TNPO1: variants seen among roughly 807,000 people sequenced by gnomAD.
TNPO1 encodes the protein transportin 1, also known as transportin-1.
TNPO1 carries 8 observed loss-of-function variants against 119.5 expected under a neutral mutation model. That is an observed-to-expected ratio of 0.07 (90% CI 0.04 to 0.12). The LOEUF is 0.12. Ranked by LOEUF, TNPO1 falls within the 10% of genes least tolerant of loss-of-function variation. The probability of loss-of-function intolerance (pLI) is 1.00; values close to 1 mark genes in which losing one functional copy is unlikely to be tolerated. For synonymous variants in TNPO1, 362 were observed against 363.0 expected (o/e 1.00, Z 0.03); for missense variants, 576 against 1,089.8 (o/e 0.53, Z 6.64).
chr5:72,824,390 AC>A (rs1196014441), intron 1 of TNPO1, among the ~76,000 whole-genome samples: 1 of 151,820 alleles, frequency 6.6e-6, no homozygotes, highest in East Asian at 1.9e-4. Context: ...CTCCTCTAGT[AC>A]TCTGTTAAAC....
At chr5:72,844,682 TA>T (rs1316472760) in intron 1 of TNPO1, among the ~76,000 whole-genome samples, 1 of 152,224 alleles carries the variant, frequency 6.6e-6, no homozygotes, top group African/African-American at 2.4e-5. Context: ...ATTCCCATTT[TA>T]GGGTTGGGAA....
chr5:72,882,530 A>G lies in TNPO1; in HGVS notation c.981+3A>G. 6.2e-7 allele frequency: 1 copy of G among 1,604,914 alleles called. No homozygotes were observed. The highest frequency in any genetic ancestry group is 8.5e-7 in the Non-Finnish European group (1 of 1,175,428). On this transcript the variant is annotated splice_donor_region_variant and intron_variant, in intron 10 of 24. Transcript: ENST00000337273. ...ACATAGATATTATCCTACTTAAGGT[A>G]AGGAAGCTTTTTTGATGAATAGGGA...
intron 1 of TNPO1, among the ~76,000 whole-genome samples, chr5:72,831,544 CAT>C (rs1331280019): frequency 2.0e-5 from 3 of 151,868 alleles, no homozygotes; most frequent in Non-Finnish European, 2.9e-5. Context: ...ATATTATTAA[CAT>C]ATTAAAAATT....
chr5:72,900,194 G>A (rs1749708366), intron 21 of TNPO1, 113 bp downstream of exon 21: 2 of 896,262 alleles, frequency 2.2e-6, no homozygotes, highest in South Asian at 1.6e-5. Flanking sequence ...CTTTATCATT[G>A]CCAACCATGT....
At chr5:72,823,234 C>G (rs1248186156) in intron 1 of TNPO1, among the ~76,000 whole-genome samples, 1 of 152,014 alleles carries the variant, frequency 6.6e-6, no homozygotes, top group African/African-American at 2.4e-5. Flanking sequence ...TCAGACTATG[C>G]TTCCTCCTTT....
At chr5:72,905,209 T>G in intron 23 of TNPO1, 94 bp from the exon 24 acceptor site, 1 of 938,792 alleles carries the variant, frequency 1.1e-6, no homozygotes, top group Non-Finnish European at 1.6e-6. Context: ...TGGATAAAAT[T>G]TATAAAAAAA....
At chr5:72,899,620 T>C (rs912663716) in intron 20 of TNPO1, among the ~76,000 whole-genome samples, 2 of 152,204 alleles carry the variant, frequency 1.3e-5, no homozygotes, top group African/African-American at 4.8e-5. Flanking sequence ...TATTAAATTC[T>C]GAAATTTTGG....
intron 24 of TNPO1, among the ~76,000 whole-genome samples, chr5:72,906,290 T>C (rs1410497391): frequency 2.7e-4 from 31 of 114,872 alleles, no homozygotes; most frequent in African/African-American, 6.9e-4. Flanking sequence ...TTTTTTTTTT[T>C]TTTTTTTTTT....
At chr5:72,822,893 TG>T (rs1744032518) in intron 1 of TNPO1, among the ~76,000 whole-genome samples, 1 of 144,046 alleles carries the variant, frequency 6.9e-6, no homozygotes, top group Admixed American at 7.1e-5. Context: ...GCGCCCGGCC[TG>T]GCCTGGGTCT....
At chr5:72,826,578 A>G (rs984951450) in intron 1 of TNPO1, among the ~76,000 whole-genome samples, 2 of 152,170 alleles carry the variant, frequency 1.3e-5, no homozygotes, top group African/African-American at 4.8e-5. Flanking sequence ...TGTAGTAGAC[A>G]CTTAGTAAGT....
chr5:72,848,956 C>G (rs1421418738), intron 2 of TNPO1, among the ~76,000 whole-genome samples: 1 of 151,898 alleles, frequency 6.6e-6, no homozygotes, highest in Non-Finnish European at 1.5e-5. Context: ...CGCGGCGGAG[C>G]TCGCCGCCTG....
intron 22 of TNPO1, among the ~76,000 whole-genome samples, chr5:72,903,048 T>C (rs769613165): frequency 6.6e-6 from 1 of 152,192 alleles, no homozygotes; most frequent in Non-Finnish European, 1.5e-5. Flanking sequence ...TGTTTCAGTA[T>C]GATAGGCAAG....
At chr5:72,878,705 C>A in intron 9 of TNPO1, 1 of 214,700 alleles carries the variant, frequency 4.7e-6, no homozygotes, top group South Asian at 6.3e-5. Context: ...ATTGTTCTTC[C>A]TTTTCTCTTT....
intron 7 of TNPO1, 98 bp from the exon 8 acceptor site, chr5:72,875,517 C>T: frequency 7.4e-7 from 1 of 1,359,598 alleles, no homozygotes; most frequent in Non-Finnish European, 1.0e-6. Context: ...TTTTTGGTAC[C>T]TTTGTAGGGT....
rs756173444 is a variant in TNPO1 at position 72,888,065 on chromosome 5, A to AT, written c.1304-5dup. 8 of 1,600,234 alleles carry AT rather than the reference A, an allele frequency of 5.0e-6. No individual in the cohort carries two copies. Among genetic ancestry groups the AT allele is most frequent in the African/African-American group, 2.7e-5 (2 of 74,300 alleles). The stretch of plus-strand genomic sequence containing the variant: ...TAAATTTTAGCATTTTGAAAGATTT[A>AT]TTTTTTTTCTAGGTTGCATGCAGGG... On this transcript the variant is annotated splice_polypyrimidine_tract_variant and intron_variant, in intron 12 of 24. Coordinates refer to ENST00000337273, the MANE Select transcript of TNPO1 (RefSeq NM_002270.4).
intron 1 of TNPO1, among the ~76,000 whole-genome samples, chr5:72,835,025 G>A (rs140515769): frequency 1.2e-4 from 18 of 152,200 alleles, no homozygotes; most frequent in African/African-American, 3.4e-4. Flanking sequence ...ACAGGTTTGT[G>A]GCCTAGGAGC....
intron 11 of TNPO1, among the ~76,000 whole-genome samples, chr5:72,884,281 T>C (rs1313892452): frequency 6.6e-6 from 1 of 152,192 alleles, no homozygotes; most frequent in Non-Finnish European, 1.5e-5. Flanking sequence ...TGGTATTTTG[T>C]GGTTTTGGTT....
intron 1 of TNPO1, among the ~76,000 whole-genome samples, chr5:72,827,465 A>G (rs1744254865): frequency 1.3e-5 from 2 of 152,184 alleles, no homozygotes; most frequent in African/African-American, 2.4e-5. Context: ...TGCCTAAACC[A>G]TGGACTAGGG....
intron 5 of TNPO1, chr5:72,862,437 G>A (rs180717093): frequency 6.5e-5 from 10 of 153,788 alleles, no homozygotes; most frequent in East Asian, 5.8e-4. Context: ...ATCCTCCTAC[G>A]TCAGCCTCCC....
Sources: allele counts gnomAD v4.1 joint callset (sites outside exome capture counted in the v4.1 genomes callset), GRCh38; gene constraint gnomAD v4.1.1; transcripts MANE v1.5; gene names NCBI Gene and HGNC (gene_info 2026-07-23, HGNC 2026-07-21).